The following ADAM9 variants were observed in gnomAD, a reference collection of about 807,000 sequenced individuals.
ADAM9 encodes ADAM metallopeptidase domain 9.
ADAM9 carries 54 observed loss-of-function variants against 108.1 expected under a neutral mutation model. That is an observed-to-expected ratio of 0.50 (90% CI 0.40 to 0.63). The LOEUF (loss-of-function observed/expected upper bound fraction) is 0.63. Among genes scored for constraint, ADAM9 ranks in the 20% least tolerant of loss-of-function variants. ADAM9 has a pLI of 0.00. For missense variants in ADAM9, 830 were observed against 997.7 expected, an observed-to-expected ratio of 0.83 and a Z score of 2.26; for synonymous variants, 316 against 336.0, an observed-to-expected ratio of 0.94 and a Z score of 0.65.
chr8:39,035,788 G>A (rs1393028199), intron 11 of ADAM9, among the ~76,000 whole-genome samples: 1 of 152,114 alleles, frequency 6.6e-6, no homozygotes, highest in Non-Finnish European at 1.5e-5. Flanking sequence ...CTGCATTCCA[G>A]CCTGGGTGAC....
In ADAM9 at chr8:38,997,080, G is replaced by C; in HGVS notation, c.17G>C (p.Arg6Pro). 3 of 1,607,768 alleles carry C rather than the reference G, an allele frequency of 1.9e-6. No homozygotes were observed. The highest frequency in any genetic ancestry group is 2.5e-6 in the Non-Finnish European group (3 of 1,179,612). Reference sequence around the variant, plus strand: ...TCGGCCGAGATGGGGTCTGGCGCGCGCTTTCCCTCGGGGACCCTTCGTGTC... The same window carrying C: ...TCGGCCGAGATGGGGTCTGGCGCGCCCTTTCCCTCGGGGACCCTTCGTGTC... MGSGA[R>P]FPSGTLRVRW... is the part of the protein sequence containing the mutation. Residue 6 changes from arginine (R) to proline (P), a missense_variant, in exon 1 of 22, where the codon CGC (arginine) becomes CCC (proline). Arg to Pro is a moderately radical substitution (Grantham distance 103). This residue lies in a region of ADAM9 where 211 missense variants were observed against 222.2 expected (regional missense o/e 0.95). Coordinates refer to ENST00000487273, the MANE Select transcript of ADAM9 (RefSeq NM_003816.3).
In ADAM9 at chr8:39,063,815, C is replaced by T. The variant is rs1588400252; in HGVS notation, c.1592-7483C>T. Among the ~76,000 whole-genome samples the T allele has an allele frequency of 2.0e-5, 3 of 152,284 alleles. 1 individual carries two copies. The East Asian group carries it at 5.8e-4, about 29-fold the overall frequency. On this transcript the variant is annotated intron_variant, in intron 14 of 21. Transcript: ENST00000487273. ...ATGTCCTCATTTCAACTTTCAAGAT[C>T]CAGTTCCTTATTGATCAATAACCTC... is the stretch of plus-strand genomic sequence containing the variant.
At chr8:39,028,020 C>T (rs1190890406) in intron 11 of ADAM9, among the ~76,000 whole-genome samples, 1 of 152,112 alleles carries the variant, frequency 6.6e-6, no homozygotes, top group Non-Finnish European at 1.5e-5. Flanking sequence ...CCCAGGAGTT[C>T]AAGGCTGCAG....
chr8:39,082,613 T>G, intron 16 of ADAM9, 28 bp from the exon 17 acceptor site: 1 of 1,575,006 alleles, frequency 6.3e-7, no homozygotes, highest in East Asian at 2.2e-5. Context: ...CAATCTTTCT[T>G]TACTTAGTTC....
intron 11 of ADAM9, among the ~76,000 whole-genome samples, chr8:39,036,256 TG>T (rs1424398532): frequency 6.6e-6 from 1 of 152,084 alleles, no homozygotes; most frequent in African/African-American, 2.4e-5. Flanking sequence ...TCTAGAAAAA[TG>T]GCTTTCTTAA....
At chr8:39,049,339 A>G (rs1837876394) in intron 12 of ADAM9, among the ~76,000 whole-genome samples, 1 of 152,070 alleles carries the variant, frequency 6.6e-6, no homozygotes, top group Non-Finnish European at 1.5e-5. Flanking sequence ...CCTCAATTAC[A>G]TACAAAAACT....
intron 14 of ADAM9, among the ~76,000 whole-genome samples, chr8:39,057,593 C>G (rs901612663): frequency 1.3e-5 from 2 of 152,034 alleles, no homozygotes; most frequent in African/African-American, 4.8e-5. Flanking sequence ...AGAAGTCTGG[C>G]AGGCTCATGA....
chr8:39,099,087 A>T (rs11784624), intron 20 of ADAM9, among the ~76,000 whole-genome samples: 2 of 151,958 alleles, frequency 1.3e-5, no homozygotes, highest in African/African-American at 4.8e-5. Context: ...GCACCAAGGC[A>T]GTATCACCAC....
Position 39,016,193 on chromosome 8 carries a change from A to G in ADAM9, c.409A>G (p.Arg137Gly), listed in dbSNP as rs773204562. 1 of 1,612,780 alleles carries G rather than the reference A, an allele frequency of 6.2e-7. No homozygotes were observed. Among genetic ancestry groups the G allele is most frequent in the South Asian group, 1.1e-5 (1 of 91,050 alleles). Residue 137 changes from arginine to glycine, a missense_variant and splice_region_variant, in exon 5 of 22, where the codon AGA becomes GGA. Arg to Gly is a moderately radical substitution (Grantham distance 125, BLOSUM62 -2). Transcript: ENST00000487273. ...TGCTCTTAGCGACTGTTTTGGACTCAGGTAAGCAATTTCCTTTATCTTCTT... is the reference window on the plus strand; with the variant it reads ...TGCTCTTAGCGACTGTTTTGGACTCGGGTAAGCAATTTCCTTTATCTTCTT... The part of the protein sequence containing the change: ...SIALSDCFGL[R>G]GLLHLENASY...
In ADAM9 at chr8:39,104,888, TTAA is replaced by T. The variant is rs531548269; in HGVS notation, c.*1194_*1196del. The T allele has an allele frequency of 3.8e-4, 167 of 442,390 alleles. 1 individual carries two copies. The highest frequency in any genetic ancestry group is 3.1e-3 in the African/African-American group (150 of 49,168). The allele number at this position is 442,390 out of a possible 1,614,324, so 27.4% of individuals were successfully genotyped here. On this transcript the variant is annotated 3_prime_UTR_variant, in exon 22 of 22. Transcript: ENST00000487273. ...TTTTCATAACCTTTCATAATAAAGT[TTAA>T]TAATAGGTTTATTAACTGAATTTCA...
intron 20 of ADAM9, among the ~76,000 whole-genome samples, chr8:39,100,257 A>T (rs148255024): frequency 0.014 from 2,089 of 151,706 alleles, 35 homozygotes; most frequent in Middle Eastern, 0.027. Context: ...TGGGAGGCTG[A>T]GGTGGGCGGA....
chr8:39,093,451 A>G (rs544113621), intron 20 of ADAM9, among the ~76,000 whole-genome samples: 4 of 152,258 alleles, frequency 2.6e-5, no homozygotes, highest in Non-Finnish European at 4.4e-5. Flanking sequence ...TGTATTATGC[A>G]ACTTTAGTGA....
chr8:39,045,568 G>GTATATATATATATATATATATATATA (rs1354034713), intron 12 of ADAM9, among the ~76,000 whole-genome samples: 2 of 139,228 alleles, frequency 1.4e-5, no homozygotes, highest in African/African-American at 5.3e-5. Context: ...ATGTGTGTGT[G>GTATATATATATATATATATATATATA]TGTATATATA....
intron 4 of ADAM9, chr8:39,014,515 A>C (rs1836462199): frequency 2.9e-6 from 2 of 700,838 alleles, no homozygotes; most frequent in Non-Finnish European, 5.2e-6. Context: ...TCTGCATCAG[A>C]GAACAGAGTA....
intron 20 of ADAM9, 49 bp from the exon 21 acceptor site, chr8:39,101,814 T>G: frequency 7.1e-7 from 1 of 1,401,094 alleles, no homozygotes; most frequent in Non-Finnish European, 1.0e-6. Context: ...TTAGAAATCA[T>G]ATTTATGAGC....
At chr8:39,090,002 CT>C in intron 18 of ADAM9, 44 bp from the exon 19 acceptor site, 1 of 1,591,536 alleles carries the variant, frequency 6.3e-7, no homozygotes, top group Non-Finnish European at 8.6e-7. Context: ...TATTTTCTGC[CT>C]AGTATGAGTT....
intron 20 of ADAM9, among the ~76,000 whole-genome samples, chr8:39,095,719 A>G (rs1839482181): frequency 6.6e-6 from 1 of 152,144 alleles, no homozygotes; most frequent in African/African-American, 2.4e-5. Flanking sequence ...AAAGTGAAGT[A>G]TTGAAGTTTC....
intron 12 of ADAM9, among the ~76,000 whole-genome samples, chr8:39,045,385 G>GTGC (rs1554579176): frequency 0.015 from 243 of 15,872 alleles, 58 homozygotes; most frequent in African/African-American, 0.036. Flanking sequence ...TACACCTATA[G>GTGC]GTGTGTGTAC....
chr8:39,054,451 T>G, intron 12 of ADAM9, 30 bp from the exon 13 acceptor site: 1 of 1,578,940 alleles, frequency 6.3e-7, no homozygotes, highest in South Asian at 1.1e-5. Flanking sequence ...ATTACTAATT[T>G]CTTTATTGAC....
Sources: allele counts gnomAD v4.1 joint callset (sites outside exome capture counted in the v4.1 genomes callset), GRCh38; gene constraint gnomAD v4.1.1; regional missense constraint gnomAD v4.1.1; transcripts MANE v1.5; gene names NCBI Gene and HGNC (gene_info 2026-07-23, HGNC 2026-07-21).